PKHD1: variants seen among roughly 807,000 people sequenced by gnomAD.
The protein encoded by PKHD1 is fibrocystin.
PKHD1 carries 291 observed loss-of-function variants against 412.0 expected under a neutral mutation model. The ratio of observed to expected loss-of-function variants is 0.71; its 90% CI spans 0.64 to 0.78. The LOEUF (loss-of-function observed/expected upper bound fraction) is 0.78, where lower values mean the gene tolerates loss of function less well. PKHD1 is among the 30% of genes least tolerant of loss of function. The pLI is 0.00. For synonymous variants in PKHD1, 1,777 were observed against 1,821.5 expected (o/e 0.98, Z 0.62); for missense variants, 4,825 against 4,950.7 (o/e 0.97, Z 0.76).
Position 52,073,551 on chromosome 6 carries a change from G to C in PKHD1, c.449-10C>G. 1 of 1,543,700 alleles carries C rather than the reference G, an allele frequency of 6.5e-7. No individual in the cohort carries two copies. The highest frequency in any genetic ancestry group is 1.4e-5 in the African/African-American group (1 of 72,798). ...ACATGTATTAGTTTTCCTGTTTGAA[G>C]AAGAATTTTTTTAATTTAATGGACT... On this transcript the variant is annotated splice_polypyrimidine_tract_variant and intron_variant, in intron 6 of 66. Coordinates refer to ENST00000371117, the MANE Select transcript of PKHD1 (RefSeq NM_138694.4).
intron 37 of PKHD1, among the ~76,000 whole-genome samples, chr6:51,922,778 T>C (rs997556231): frequency 6.6e-6 from 1 of 152,136 alleles, no homozygotes; most frequent in African/African-American, 2.4e-5. Context: ...TGGTGTGCCA[T>C]TTTCTAAGAC....
At chr6:51,941,006 G>C (rs534297541) in intron 36 of PKHD1, among the ~76,000 whole-genome samples, 1 of 151,178 alleles carries the variant, frequency 6.6e-6, no homozygotes, top group African/African-American at 2.4e-5. Context: ...ACACCTCACT[G>C]CTGCCCTTTA....
intron 46 of PKHD1, among the ~76,000 whole-genome samples, chr6:51,871,135 A>C (rs1389657268): frequency 6.6e-6 from 1 of 152,200 alleles, no homozygotes; most frequent in East Asian, 1.9e-4. Flanking sequence ...TATAAAGTTA[A>C]ATATGCCCTT....
intron 57 of PKHD1, 129 bp from the exon 58 acceptor site, chr6:51,748,794 A>G: frequency 1.3e-6 from 1 of 785,844 alleles, no homozygotes; most frequent in South Asian, 1.4e-5. Context: ...CACCAACATT[A>G]TATTTCACAC....
At chr6:51,737,333 C>A (rs1238536500) in intron 60 of PKHD1, among the ~76,000 whole-genome samples, 1 of 152,118 alleles carries the variant, frequency 6.6e-6, no homozygotes, top group African/African-American at 2.4e-5. Flanking sequence ...TAGTATCAAA[C>A]CCATTTTTAT....
chr6:51,986,482 C>T (rs753257976), intron 35 of PKHD1, among the ~76,000 whole-genome samples: 1 of 152,158 alleles, frequency 6.6e-6, no homozygotes, highest in Non-Finnish European at 1.5e-5. Context: ...AAGGAAGGGA[C>T]GAAATACATC....
chr6:51,757,115 T>C (rs1317214071), intron 55 of PKHD1, among the ~76,000 whole-genome samples: 1 of 152,142 alleles, frequency 6.6e-6, no homozygotes, highest in South Asian at 2.1e-4. Context: ...TGGTTCCCGA[T>C]AGGCTAAGGA....
At chr6:51,706,128 A>C (rs1779989209) in intron 60 of PKHD1, among the ~76,000 whole-genome samples, 1 of 152,108 alleles carries the variant, frequency 6.6e-6, no homozygotes, top group African/African-American at 2.4e-5. Flanking sequence ...AAAGCCTGAT[A>C]ATGATTACTA....
chr6:51,899,105 C>T (rs1360557844), intron 43 of PKHD1, among the ~76,000 whole-genome samples: 3 of 152,216 alleles, frequency 2.0e-5, no homozygotes, highest in Non-Finnish European at 1.5e-5. Flanking sequence ...GAACTGGTAC[C>T]ATTCCTTCTG....
intron 18 of PKHD1, 76 bp from the exon 19 acceptor site, chr6:52,055,805 G>T: frequency 1.4e-6 from 2 of 1,459,386 alleles, no homozygotes; most frequent in African/African-American, 1.4e-5. Context: ...ATGTGTGCAT[G>T]AGGATTTTAG....
At chr6:51,953,829 G>C (rs1435729960) in intron 36 of PKHD1, among the ~76,000 whole-genome samples, 22 of 152,038 alleles carry the variant, frequency 1.4e-4, no homozygotes, top group Admixed American at 1.4e-3. Context: ...GAGAGAAAAT[G>C]AGATCATGTT....
chr6:51,654,759 C>A (rs921964446), intron 61 of PKHD1, among the ~76,000 whole-genome samples: 2 of 151,890 alleles, frequency 1.3e-5, no homozygotes, highest in African/African-American at 4.8e-5. Flanking sequence ...ATTCAGTATA[C>A]GAAAAATAGT....
chr6:51,923,330 G>A (rs1371707319), intron 37 of PKHD1, among the ~76,000 whole-genome samples: 4 of 152,010 alleles, frequency 2.6e-5, no homozygotes, highest in South Asian at 2.1e-4. Flanking sequence ...TGCAGACCAC[G>A]TGGTCTCTGT....
At chr6:51,695,252 A>G (rs920066480) in intron 60 of PKHD1, among the ~76,000 whole-genome samples, 1 of 152,200 alleles carries the variant, frequency 6.6e-6, no homozygotes, top group African/African-American at 2.4e-5. Context: ...TATCTAATGA[A>G]CAAAGGATTT....
At chr6:52,063,793 C>G (rs1430419760) in intron 13 of PKHD1, among the ~76,000 whole-genome samples, 1 of 152,228 alleles carries the variant, frequency 6.6e-6, no homozygotes, top group African/African-American at 2.4e-5. Flanking sequence ...AACATTGCCC[C>G]TGGTTGAGAA....
chr6:51,869,322 ACT>A (rs1775592953), intron 47 of PKHD1, among the ~76,000 whole-genome samples: 1 of 151,942 alleles, frequency 6.6e-6, no homozygotes, highest in East Asian at 1.9e-4. Context: ...CCTAAACCCT[ACT>A]CAAGAATAAC....
intron 35 of PKHD1, among the ~76,000 whole-genome samples, chr6:51,982,849 AAAAATAAAAATAAAATAAAAT>A (rs1362499415): frequency 7.4e-6 from 1 of 134,706 alleles, no homozygotes; most frequent in African/African-American, 2.6e-5. Flanking sequence ...AAAAAAATAA[AAAAATAAAAATAAAATAAAAT>A]AAAATAAAAT....
At chr6:51,733,509 C>A (rs1053401275) in intron 60 of PKHD1, among the ~76,000 whole-genome samples, 1 of 147,356 alleles carries the variant, frequency 6.8e-6, no homozygotes, top group Non-Finnish European at 1.5e-5. Context: ...TGCACTCCAG[C>A]CTGAGGACAG....
In PKHD1 at chr6:51,747,896, T is replaced by A. The variant is rs1238088128; in HGVS notation, c.9720A>T (p.Arg3240=). ...TGAATACAGGCCACAGAATACCAAT[T>A]CGACCTCCTCTTGGATTGGAGGGAG... ...DRAPSNPRGG[R]IGILWPVFTS... is the part of the protein sequence containing the mutation. Residue 3240 remains arginine (R), a synonymous_variant, in exon 58 of 67, where the codon CGA becomes CGT. Transcript: ENST00000371117. 6.2e-7 allele frequency: 1 copy of A among 1,614,018 alleles called. No homozygotes were observed. Among genetic ancestry groups the A allele is most frequent in the South Asian group, 1.1e-5 (1 of 91,086 alleles).
Sources: allele counts gnomAD v4.1 joint callset (sites outside exome capture counted in the v4.1 genomes callset), GRCh38; gene constraint gnomAD v4.1.1; transcripts MANE v1.5; gene names NCBI Gene and HGNC (gene_info 2026-07-23, HGNC 2026-07-21).